SH3GL3: variants seen among roughly 807,000 people sequenced by gnomAD.
SH3GL3 encodes SH3 domain containing GRB2 like 3, endophilin A3.
In SH3GL3, 33 loss-of-function variants were observed where a neutral mutation model predicts 47.7. The observed-to-expected ratio is 0.69, with a 90% CI of 0.52 to 0.92. SH3GL3 has a LOEUF of 0.92. Ranked by LOEUF, SH3GL3 falls within the 40% of genes least tolerant of loss-of-function variation. The probability of loss-of-function intolerance (pLI) is 0.00; values close to 1 mark genes in which losing one functional copy is unlikely to be tolerated. For synonymous variants in SH3GL3, 155 were observed against 148.8 expected (o/e 1.04, Z -0.30); for missense variants, 363 against 417.8 (o/e 0.87, Z 1.14).
intron 1 of SH3GL3, among the ~76,000 whole-genome samples, chr15:83,554,988 A>G (rs2044870360): frequency 6.6e-6 from 1 of 151,824 alleles, no homozygotes; most frequent in African/African-American, 2.4e-5. Flanking sequence ...TTTTTTCTGG[A>G]GTGCCTGTTG....
intron 1 of SH3GL3, among the ~76,000 whole-genome samples, chr15:83,492,500 T>G (rs1244221512): frequency 6.6e-6 from 1 of 152,260 alleles, no homozygotes; most frequent in East Asian, 1.9e-4. Flanking sequence ...ATGTTCTGCC[T>G]ACCTTCACTC....
rs559083453 is a variant in SH3GL3, at chr15:83,555,036, A to G, written c.46-4217A>G. 3.9e-5 allele frequency among the ~76,000 whole-genome samples: 6 copies of G among 152,126 alleles called. No homozygotes were observed. The East Asian group carries it at 1.2e-3, about 29-fold the overall frequency. ...AATCTCTCACTTATCCTTCATATCT[A>G]TTAACTGATATTTCCTTAAAAAAAC... is the stretch of plus-strand genomic sequence containing the variant. On this transcript the variant is annotated intron_variant, in intron 1 of 8. Coordinates refer to ENST00000427482, the MANE Select transcript of SH3GL3 (RefSeq NM_003027.5).
intron 8 of SH3GL3, among the ~76,000 whole-genome samples, chr15:83,609,840 G>A (rs1345983018): frequency 2.0e-5 from 3 of 152,140 alleles, no homozygotes; most frequent in South Asian, 2.1e-4. Context: ...CAGGCTTCCA[G>A]ATCCTGGCAT....
At chr15:83,453,641 A>G (rs1227817471) in intron 1 of SH3GL3, among the ~76,000 whole-genome samples, 1 of 145,632 alleles carries the variant, frequency 6.9e-6, no homozygotes, top group African/African-American at 2.5e-5. Flanking sequence ...TTTCTGTGGG[A>G]TCGGTGGTGA....
chr15:83,460,035 T>G, intron 1 of SH3GL3, among the ~76,000 whole-genome samples: 1 of 24,022 alleles, frequency 4.2e-5, no homozygotes, highest in African/African-American at 1.1e-4. Context: ...CCTCCCTCCC[T>G]CCCTCCCTCC....
chr15:83,593,270 A>G (rs1001947762), intron 8 of SH3GL3, among the ~76,000 whole-genome samples: 9 of 152,252 alleles, frequency 5.9e-5, no homozygotes, highest in Non-Finnish European at 1.0e-4. Context: ...GGTTGAATCT[A>G]TAACTCAATT....
At chr15:83,450,956 T>A (rs1267691887) in intron 1 of SH3GL3, among the ~76,000 whole-genome samples, 17 of 90,982 alleles carry the variant, frequency 1.9e-4, no homozygotes, top group Non-Finnish European at 3.6e-4. Flanking sequence ...CCCTCCCCCC[T>A]CCCCCGACCC....
intron 1 of SH3GL3, among the ~76,000 whole-genome samples, chr15:83,528,647 G>A (rs1294757326): frequency 6.6e-6 from 1 of 151,766 alleles, no homozygotes; most frequent in East Asian, 1.9e-4. Flanking sequence ...CAGGATTTCT[G>A]TTTTGTTCTT....
intron 1 of SH3GL3, among the ~76,000 whole-genome samples, chr15:83,524,485 G>A (rs1043700312): frequency 2.0e-5 from 3 of 152,004 alleles, no homozygotes; most frequent in African/African-American, 4.8e-5. Flanking sequence ...GGTATCTATC[G>A]CCTTTGTATT....
At chr15:83,570,385 T>TAA (rs2045757857) in intron 4 of SH3GL3, among the ~76,000 whole-genome samples, 1 of 152,204 alleles carries the variant, frequency 6.6e-6, no homozygotes, top group East Asian at 1.9e-4. Flanking sequence ...TCATATTGTT[T>TAA]TAAGTATTGA....
chr15:83,458,393 G>T (rs1435007116), intron 1 of SH3GL3, among the ~76,000 whole-genome samples: 2 of 152,182 alleles, frequency 1.3e-5, no homozygotes, highest in Admixed American at 1.3e-4. Context: ...TGAGCCAGGT[G>T]TTGTTCCTTC....
At chr15:83,508,335 A>G (rs2042600945) in intron 1 of SH3GL3, among the ~76,000 whole-genome samples, 3 of 152,066 alleles carry the variant, frequency 2.0e-5, no homozygotes, top group African/African-American at 7.2e-5. Context: ...CTATGTAGAT[A>G]TCTGCTGGAA....
chr15:83,539,488 A>C (rs1378419640), intron 1 of SH3GL3, among the ~76,000 whole-genome samples: 1 of 152,192 alleles, frequency 6.6e-6, no homozygotes, highest in Non-Finnish European at 1.5e-5. Context: ...CAATTTATGA[A>C]TTTTGAGGGG....
chr15:83,456,230 C>T lies in SH3GL3; in HGVS notation c.45+8652C>T, dbSNP rs369199379. On this transcript the variant is annotated intron_variant, in intron 1 of 8. Transcript: ENST00000427482. The stretch of plus-strand genomic sequence containing the variant: ...TCTTCAAAGCTGTCAGACAGGGACA[C>T]TTAAGTCTGCAGAGGTTACTGCTGT... 1.9e-3 allele frequency among the ~76,000 whole-genome samples: 43 copies of T among 22,500 alleles called. 1 individual carries two copies. Among genetic ancestry groups the T allele is most frequent in the South Asian group, 8.8e-3 (1 of 114 alleles). 14.8% of individuals were successfully genotyped at this position (22,500 alleles called of 152,430 possible).
intron 1 of SH3GL3, among the ~76,000 whole-genome samples, chr15:83,501,190 A>G (rs1438656836): frequency 6.6e-6 from 1 of 152,240 alleles, no homozygotes; most frequent in East Asian, 1.9e-4. Context: ...CACTGTTTAT[A>G]GCATAATTAA....
intron 8 of SH3GL3, 59 bp downstream of exon 8, chr15:83,588,830 T>G (rs1338668199): frequency 1.1e-6 from 1 of 870,964 alleles, no homozygotes; most frequent in African/African-American, 1.6e-5. Flanking sequence ...CTAGAAACAC[T>G]TATTTACTGC....
chr15:83,484,908 T>C (rs188829252), intron 1 of SH3GL3, among the ~76,000 whole-genome samples: 86 of 152,340 alleles, frequency 5.6e-4, no homozygotes, highest in Non-Finnish European at 1.0e-4. Flanking sequence ...CGAACAACAA[T>C]GTGTCTTAAT....
At chr15:83,500,410 T>TGCTGGAGTTCACAGAGCAG (rs2042245779) in intron 1 of SH3GL3, among the ~76,000 whole-genome samples, 1 of 152,230 alleles carries the variant, frequency 6.6e-6, no homozygotes, top group Admixed American at 6.5e-5. Flanking sequence ...ACCACACTTT[T>TGCTGGAGTTCACAGAGCAG]GCTGGAGTTC....
chr15:83,476,098 A>G (rs1337072407), intron 1 of SH3GL3, among the ~76,000 whole-genome samples: 1 of 152,246 alleles, frequency 6.6e-6, no homozygotes, highest in Non-Finnish European at 1.5e-5. Context: ...TAGTATAAAC[A>G]GTCAAATAGT....
Sources: gnomAD v4.1 joint callset for allele counts (sites outside exome capture counted in the v4.1 genomes callset) on GRCh38, gnomAD v4.1.1 for gene constraint, MANE v1.5 for transcripts, NCBI Gene and HGNC (gene_info 2026-07-23, HGNC 2026-07-21) for gene names.